PRKAR1B: variants seen among roughly 807,000 people sequenced by gnomAD.
PRKAR1B encodes the protein protein kinase cAMP-dependent type I regulatory subunit beta.
PRKAR1B carries 22 observed loss-of-function variants against 46.5 expected under a neutral mutation model. The ratio of observed to expected loss-of-function variants is 0.47; its 90% CI spans 0.34 to 0.68. The LOEUF (loss-of-function observed/expected upper bound fraction) is 0.68. Ranked by LOEUF, PRKAR1B falls within the 30% of genes least tolerant of loss-of-function variation. The pLI, the probability that PRKAR1B is intolerant of heterozygous loss-of-function variation, is 0.01. For missense variants in PRKAR1B, 445 were observed against 535.6 expected (o/e 0.83, Z 1.67); for synonymous variants, 259 against 217.7 (o/e 1.19, Z -1.67).
intron 4 of PRKAR1B, among the ~76,000 whole-genome samples, chr7:660,892 G>C (rs1785501512): frequency 8.7e-6 from 1 of 115,456 alleles, no homozygotes; most frequent in Non-Finnish European, 1.7e-5. Flanking sequence ...TACTCCAACG[G>C]GTCCAAATAC....
intron 4 of PRKAR1B, among the ~76,000 whole-genome samples, chr7:654,997 A>G (rs372532861): frequency 1.3e-5 from 2 of 152,218 alleles, no homozygotes; most frequent in Non-Finnish European, 2.9e-5. Flanking sequence ...CCCTTTCTTT[A>G]GAATCAACTA....
intron 9 of PRKAR1B, among the ~76,000 whole-genome samples, chr7:558,885 G>T (rs1778614146): frequency 6.6e-6 from 1 of 152,220 alleles, no homozygotes; most frequent in Non-Finnish European, 1.5e-5. Flanking sequence ...CTTCGGCTCA[G>T]AGGTCAGTCG....
intron 2 of PRKAR1B, among the ~76,000 whole-genome samples, chr7:695,240 C>T (rs951653564): frequency 5.3e-5 from 8 of 152,038 alleles, no homozygotes; most frequent in Admixed American, 1.3e-4. Flanking sequence ...AGGTGGCCGG[C>T]GAGAAAGGCA....
chr7:582,361 G>A (rs932619093), intron 8 of PRKAR1B, among the ~76,000 whole-genome samples: 2 of 152,252 alleles, frequency 1.3e-5, no homozygotes, highest in African/African-American at 2.4e-5. Context: ...CGAAGCCCAC[G>A]GCTTCAGGCT....
chr7:622,858 G>C (rs1783184966), intron 4 of PRKAR1B, among the ~76,000 whole-genome samples: 1 of 152,186 alleles, frequency 6.6e-6, no homozygotes, highest in Non-Finnish European at 1.5e-5. Flanking sequence ...CGCTATCCAG[G>C]GGGAAAGAGT....
At position 579,384 on chromosome 7, in the gene PRKAR1B, G is replaced by A. The variant is rs755052836; in HGVS notation, c.770-7C>T. ...TCCCACTTCTCCAGGGACTCTGTCG[G>A]GGGAGGATGAGGACAGGTCATCCCG... On this transcript the variant is annotated splice_region_variant and splice_polypyrimidine_tract_variant and intron_variant, in intron 8 of 10. Transcript: ENST00000537384. The A allele has an allele frequency of 6.8e-6, 11 of 1,613,012 alleles. No homozygotes were observed. The African/African-American group carries it at 8.0e-5, about 12-fold the overall frequency.
chr7:575,354 G>A (rs35480366), intron 9 of PRKAR1B, among the ~76,000 whole-genome samples: 6,127 of 152,272 alleles, frequency 0.04, 151 homozygotes, highest in East Asian at 0.12. Context: ...CCGGGAGCAG[G>A]GCTCCCAGAG....
chr7:673,573 T>TGTGAGGCAGAGCTTGCA (rs1786408937), intron 4 of PRKAR1B, among the ~76,000 whole-genome samples: 1 of 150,848 alleles, frequency 6.6e-6, no homozygotes, highest in Admixed American at 6.6e-5. Flanking sequence ...GACGTGAACC[T>TGTGAGGCAGAGCTTGCA]GTGAGGCAGA....
chr7:690,095 G>A (rs1446265887), intron 2 of PRKAR1B, among the ~76,000 whole-genome samples: 16 of 151,782 alleles, frequency 1.1e-4, no homozygotes, highest in Non-Finnish European at 2.1e-4. Flanking sequence ...CCAGGAGTTC[G>A]AGACCACCCT....
chr7:583,572 A>ACACC (rs1780396477), intron 8 of PRKAR1B, among the ~76,000 whole-genome samples: 1 of 121,450 alleles, frequency 8.2e-6, no homozygotes, highest in Admixed American at 7.7e-5. Context: ...ACACCCATGC[A>ACACC]CACACACTTG....
chr7:563,070 C>G (rs1483946324), intron 9 of PRKAR1B, among the ~76,000 whole-genome samples: 1 of 152,208 alleles, frequency 6.6e-6, no homozygotes, highest in Non-Finnish European at 1.5e-5. Context: ...CACACCAGCA[C>G]CTCTCATCCC....
intron 2 of PRKAR1B, among the ~76,000 whole-genome samples, chr7:700,044 G>C (rs907789587): frequency 1.3e-5 from 2 of 152,192 alleles, no homozygotes; most frequent in African/African-American, 4.8e-5. Context: ...GATCTCTCTT[G>C]CATGGAGAAT....
intron 4 of PRKAR1B, among the ~76,000 whole-genome samples, chr7:626,906 C>A (rs927539674): frequency 2.6e-5 from 4 of 151,978 alleles, no homozygotes; most frequent in Non-Finnish European, 4.4e-5. Flanking sequence ...AAGATGGAGT[C>A]TCACTCTATC....
At chr7:581,829 C>T (rs1168701024) in intron 8 of PRKAR1B, among the ~76,000 whole-genome samples, 1 of 152,140 alleles carries the variant, frequency 6.6e-6, no homozygotes, top group Non-Finnish European at 1.5e-5. Context: ...GATCCTCCCA[C>T]CTCGGCCTCC....
chr7:694,669 G>T (rs1779626121), intron 2 of PRKAR1B, among the ~76,000 whole-genome samples: 1 of 152,114 alleles, frequency 6.6e-6, no homozygotes. Context: ...CACATCACGT[G>T]TTCCCAAGAT....
At position 550,462 on chromosome 7, in the gene PRKAR1B, G is replaced by A. The variant is rs765576596; in HGVS notation, c.1114C>T (p.Arg372Cys). The part of the protein sequence containing the change: ...CSEILKRNIQ[R>C]YNSFISLTV Reference sequence around the variant, plus strand: ...GTGAGGGAGATGAAGCTGTTGTAACGCTGAATGTTCCTCTTGAGGATCTCA... The same window carrying A: ...GTGAGGGAGATGAAGCTGTTGTAACACTGAATGTTCCTCTTGAGGATCTCA... The change falls in exon 11 of 11, where the codon CGT (arginine) becomes TGT (cysteine). Residue 372 changes from arginine to cysteine, a missense_variant. This residue lies in a region of PRKAR1B where 127 missense variants were observed against 138.0 expected (regional missense o/e 0.92). Coordinates refer to ENST00000537384, the MANE Select transcript of PRKAR1B (RefSeq NM_001164760.2). 12 of 1,596,326 alleles carry A rather than the reference G, an allele frequency of 7.5e-6. No homozygotes were observed. The highest frequency in any genetic ancestry group is 1.7e-5 in the Admixed American group (1 of 57,758).
At chr7:563,171 G>A (rs574634182) in intron 9 of PRKAR1B, among the ~76,000 whole-genome samples, 8 of 152,330 alleles carry the variant, frequency 5.3e-5, no homozygotes, top group African/African-American at 1.7e-4. Flanking sequence ...GGCAGGTGCA[G>A]GTGGGCAGGC....
At chr7:583,163 C>G (rs890272847) in intron 8 of PRKAR1B, among the ~76,000 whole-genome samples, 1 of 151,806 alleles carries the variant, frequency 6.6e-6, no homozygotes, top group South Asian at 2.1e-4. Flanking sequence ...GTAGACTCAA[C>G]GGCCCTGAAA....
intron 8 of PRKAR1B, among the ~76,000 whole-genome samples, chr7:580,698 T>C (rs776625321): frequency 1.3e-5 from 2 of 151,378 alleles, no homozygotes; most frequent in Non-Finnish European, 2.9e-5. Flanking sequence ...TAACGTCAGA[T>C]TTTATAAGAA....
Sources: gnomAD v4.1 joint callset for allele counts (sites outside exome capture counted in the v4.1 genomes callset) on GRCh38, gnomAD v4.1.1 for gene constraint, gnomAD v4.1.1 regional missense constraint, MANE v1.5 for transcripts, NCBI Gene and HGNC (gene_info 2026-07-23, HGNC 2026-07-21) for gene names.